HM13: variants seen among roughly 807,000 people sequenced by gnomAD.
HM13 encodes the protein histocompatibility minor 13, also known as signal peptide peptidase.
Under a neutral mutation model 50.0 loss-of-function variants are expected in HM13, and 18 were observed. That is an observed-to-expected ratio of 0.36 (90% CI 0.25 to 0.53). The LOEUF (loss-of-function observed/expected upper bound fraction) is 0.53. Among genes scored for constraint, HM13 ranks in the 20% least tolerant of loss-of-function variants. The pLI, the probability that HM13 is intolerant of heterozygous loss-of-function variation, is 0.90. For missense variants in HM13, 393 were observed against 552.4 expected, an observed-to-expected ratio of 0.71 and a Z score of 2.89; for synonymous variants, 197 against 232.6, an observed-to-expected ratio of 0.85 and a Z score of 1.39.
chr20:31,547,618 T>C, intron 4 of HM13: 1 of 1,577,718 alleles, frequency 6.3e-7, no homozygotes, highest in Non-Finnish European at 8.6e-7. Flanking sequence ...TATTGAACCA[T>C]GGCTTAATCA....
At position 31,569,395 on chromosome 20, in the gene HM13, C is replaced by A. The variant is rs1985135830; in HGVS notation, c.*176C>A. ...CTCTGTTTCCTTCTCCCTTTCTTGG[C>A]CCTCCTCTGCTCCTCCCCACACCCT... is the stretch of plus-strand genomic sequence containing the variant. On this transcript the variant is annotated 3_prime_UTR_variant, in exon 13 of 13. Coordinates refer to ENST00000398174, the MANE Select transcript of HM13 (RefSeq NM_178581.3). The A allele has an allele frequency of 2.0e-6, 1 of 504,204 alleles. No individual in the cohort carries two copies. The highest frequency in any genetic ancestry group is 1.9e-5 in the African/African-American group (1 of 51,742). The allele number at this position is 504,204 out of a possible 1,614,324, so 31.2% of individuals were successfully genotyped here. A position where few individuals can be genotyped will look rare whatever the true frequency, so the allele number is the denominator to read the frequency against.
At chr20:31,547,440 G>A in intron 4 of HM13, 2 of 535,534 alleles carry the variant, frequency 3.7e-6, no homozygotes, top group Non-Finnish European at 6.7e-6. Flanking sequence ...TTCCTGCAGG[G>A]GACTCCACCG....
rs564772436 is a variant in HM13 at position 31,552,722 on chromosome 20, A to G, written c.725-2024A>G. ...TTTCTAGAACTGTAAAATGGTGACA[A>G]TAGTCTCTGCCACTCAAAATTGAAT... On this transcript the variant is annotated intron_variant, in intron 7 of 12. Coordinates refer to ENST00000398174, the MANE Select transcript of HM13 (RefSeq NM_178581.3). 8.5e-5 allele frequency among the ~76,000 whole-genome samples: 13 copies of G among 152,298 alleles called. No homozygotes were observed. The East Asian group carries it at 1.4e-3, about 16-fold the overall frequency.
intron 1 of HM13, among the ~76,000 whole-genome samples, chr20:31,524,124 C>T (rs1248846707): frequency 1.3e-5 from 2 of 152,148 alleles, no homozygotes; most frequent in Non-Finnish European, 2.9e-5. Flanking sequence ...CCTATAATCT[C>T]AGCATTTTGG....
intron 10 of HM13, among the ~76,000 whole-genome samples, chr20:31,564,464 C>A (rs1984782037): frequency 6.6e-6 from 1 of 151,898 alleles, no homozygotes; most frequent in South Asian, 2.1e-4. Flanking sequence ...GTAGGCCCAG[C>A]AACTTGTAGG....
chr20:31,554,328 CTCCCGATTACAG>C (rs1442611377), intron 7 of HM13, among the ~76,000 whole-genome samples: 28 of 151,658 alleles, frequency 1.8e-4, no homozygotes, highest in African/African-American at 6.8e-4. Context: ...TGCCACTGCA[CTCCCGATTACAG>C]TCCTCATTGC....
chr20:31,524,710 C>CTTT (rs1156549702), intron 1 of HM13, among the ~76,000 whole-genome samples: 13 of 110,768 alleles, frequency 1.2e-4, no homozygotes, highest in African/African-American at 1.4e-4. Flanking sequence ...TGTTGTGTGG[C>CTTT]TTTTTTTTTT....
intron 8 of HM13, 92 bp downstream of exon 8, chr20:31,554,921 C>A: frequency 9.3e-7 from 1 of 1,079,124 alleles, no homozygotes; most frequent in Non-Finnish European, 1.4e-6. Context: ...GGCTTACCAG[C>A]TGAGAAAGAG....
intron 1 of HM13, among the ~76,000 whole-genome samples, chr20:31,523,795 G>C (rs1982322446): frequency 6.6e-6 from 1 of 152,212 alleles, no homozygotes; most frequent in South Asian, 2.1e-4. Flanking sequence ...GGTTGGGAGA[G>C]AATAGGGAAG....
At chr20:31,548,814 C>G in intron 4 of HM13, 2 of 584,762 alleles carry the variant, frequency 3.4e-6, no homozygotes, top group African/African-American at 1.9e-5. Context: ...CTCTGGGCCT[C>G]CATTCCCTCC....
In HM13 at chr20:31,569,111, T is replaced by C; in HGVS notation, c.1182-9T>C. ...GAATTTTTATTGTTGTTTTTTTTTT[T>C]TTGGTCAGTTATGAGGAGTCAAATC... On this transcript the variant is annotated splice_polypyrimidine_tract_variant and intron_variant, in intron 12 of 12. Transcript: ENST00000398174. 1 of 1,517,318 alleles carries C rather than the reference T, an allele frequency of 6.6e-7. No homozygotes were observed. The highest frequency in any genetic ancestry group is 8.9e-7 in the Non-Finnish European group (1 of 1,128,984). The allele number at this position is 1,517,318 out of a possible 1,614,324, so 94.0% of individuals were successfully genotyped here.
intron 1 of HM13, among the ~76,000 whole-genome samples, chr20:31,525,996 T>C (rs1982467486): frequency 6.6e-6 from 1 of 151,890 alleles, no homozygotes; most frequent in Admixed American, 6.6e-5. Flanking sequence ...TATGGTGGCA[T>C]GTGCCTGTAG....
Position 31,544,987 on chromosome 20 carries a change from C to G in HM13, c.406C>G (p.Arg136Gly). Residue 136 changes from arginine (R) to glycine (G), a missense_variant, in exon 4 of 13, where the codon CGA (arginine) becomes GGA (glycine). Physicochemically the swap from Arg to Gly is moderately radical, Grantham distance 125. This residue lies in a region of HM13 where 214 missense variants were observed against 276.1 expected (regional missense o/e 0.77). Transcript: ENST00000398174. ...NKFFPASFPN[R>G]QYQLLFTQGS... ...GTTTTTTCCAGCCAGCTTTCCAAAT[C>G]GACAGTACCAGCTGCTCTTCACACA... is the stretch of plus-strand genomic sequence containing the variant. The G allele has an allele frequency of 6.2e-7, 1 of 1,614,190 alleles. No individual in the cohort carries two copies. The highest frequency in any genetic ancestry group is 8.5e-7 in the Non-Finnish European group (1 of 1,180,008).
chr20:31,561,330 CT>C (rs1984596751), intron 9 of HM13, among the ~76,000 whole-genome samples: 1 of 152,194 alleles, frequency 6.6e-6, no homozygotes, highest in African/African-American at 2.4e-5. Flanking sequence ...GATTTTTATG[CT>C]GACTAAAGTC....
At chr20:31,521,833 T>A (rs1021010337) in intron 1 of HM13, among the ~76,000 whole-genome samples, 2 of 150,124 alleles carry the variant, frequency 1.3e-5, no homozygotes, top group African/African-American at 4.9e-5. Flanking sequence ...ACTATTATCG[T>A]CAGATTTCAG....
intron 3 of HM13, chr20:31,540,029 G>A (rs1346795144): frequency 6.6e-6 from 1 of 152,244 alleles, no homozygotes; most frequent in Non-Finnish European, 1.5e-5. Context: ...GTGAGCCCCA[G>A]GCTGTAACAT....
chr20:31,534,870 G>A (rs1437117487), intron 2 of HM13, among the ~76,000 whole-genome samples: 1 of 152,074 alleles, frequency 6.6e-6, no homozygotes, highest in Non-Finnish European at 1.5e-5. Context: ...CAGATCACGT[G>A]GTCAGGAGAT....
chr20:31,549,580 A>C (rs1160531034), intron 6 of HM13, among the ~76,000 whole-genome samples: 4 of 152,176 alleles, frequency 2.6e-5, no homozygotes. Flanking sequence ...CCTTGCTAGC[A>C]GGGGTGTTAC....
At position 31,539,351 on chromosome 20, in the gene HM13, G is replaced by A. The variant is rs190755584; in HGVS notation, c.365+1090G>A. 3,564 of 985,466 alleles carry A rather than the reference G, an allele frequency of 3.6e-3. 15 individuals are homozygous for A. The highest frequency in any genetic ancestry group is 3.9e-3 in the Non-Finnish European group (3,204 of 829,962). The allele number at this position is 985,466 out of a possible 1,614,324, so 61.0% of individuals were successfully genotyped here. A position where few individuals can be genotyped will look rare whatever the true frequency, so the allele number is the denominator to read the frequency against. ...GAGAAACACTGATAGACCAAGAGGT[G>A]GCCAGGGTTCCCAGAAGGAAGGAAC... On this transcript the variant is annotated intron_variant, in intron 3 of 12. Transcript: ENST00000398174.
Sources: allele counts gnomAD v4.1 joint callset (sites outside exome capture counted in the v4.1 genomes callset), GRCh38; gene constraint gnomAD v4.1.1; regional missense constraint gnomAD v4.1.1; transcripts MANE v1.5; gene names NCBI Gene and HGNC (gene_info 2026-07-23, HGNC 2026-07-21).